Variants in TGM2 observed in about 807,000 individuals in gnomAD.
The protein encoded by TGM2 is transglutaminase 2.
In TGM2, 53 loss-of-function variants were observed where a neutral mutation model predicts 75.6. The ratio of observed to expected loss-of-function variants is 0.70; its 90% CI spans 0.56 to 0.88. The LOEUF is 0.88. Among genes scored for constraint, TGM2 ranks in the 40% least tolerant of loss-of-function variants. The pLI is 0.00. For missense variants in TGM2, 842 were observed against 928.5 expected, an observed-to-expected ratio of 0.91 and a Z score of 1.21; for synonymous variants, 374 against 381.1, an observed-to-expected ratio of 0.98 and a Z score of 0.22.
In TGM2 at chr20:38,143,251, G is replaced by C. The variant is rs1479342607; in HGVS notation, c.860-1052C>G. ...CAGAACAGGCAGAGGAGGGCACAGA[G>C]GTCGGGAGACCCAGCTGCTTTCAGC... On this transcript the variant is annotated intron_variant, in intron 6 of 12. Coordinates refer to ENST00000361475, the MANE Select transcript of TGM2 (RefSeq NM_004613.4). Among the ~76,000 whole-genome samples, 3 of 152,314 alleles carry C rather than the reference G, an allele frequency of 2.0e-5. No individual in the cohort carries two copies. In the East Asian group the frequency reaches 5.8e-4, roughly 29 times the overall value.
upstream of TGM2, among the ~76,000 whole-genome samples, chr20:38,165,526 G>C (rs561081621): frequency 2.2e-4 from 34 of 152,068 alleles, no homozygotes; most frequent in Admixed American, 1.8e-3. Context: ...CTCAGACCTT[G>C]GAGAACAGAC....
Position 38,147,551 on chromosome 20 carries a change from TC to T in TGM2, c.681+409del, listed in dbSNP as rs1279051799. ...AGTCCAACGCTCTCACACCTCGGGT[TC>T]CTTCAGAGCGTGCACCATCATTTAT... is the stretch of plus-strand genomic sequence containing the variant. On this transcript the variant is annotated intron_variant, in intron 5 of 12. Coordinates refer to ENST00000361475, the MANE Select transcript of TGM2 (RefSeq NM_004613.4). Among the ~76,000 whole-genome samples, 4 of 152,088 alleles carry T rather than the reference TC, an allele frequency of 2.6e-5. No homozygotes were observed. In the East Asian group the frequency reaches 7.7e-4, roughly 29 times the overall value.
upstream of TGM2, chr20:38,165,308 T>G: frequency 1.9e-6 from 3 of 1,538,930 alleles, no homozygotes; most frequent in Non-Finnish European, 1.8e-6. Flanking sequence ...TAGCCCGCTT[T>G]GGGGCGGGCC....
In TGM2 at chr20:38,151,050, A is replaced by G. The variant is rs150376333; in HGVS notation, c.441T>C (p.Ala147=). Residue 147 remains alanine (A), a synonymous_variant, in exon 4 of 13, where the codon GCT becomes GCC. Coordinates refer to ENST00000361475, the MANE Select transcript of TGM2 (RefSeq NM_004613.4). ...LLFNAWCPAD[A]VYLDSEEERQ... ...GCTCCTCTTCCGAGTCCAGGTACAC[A>G]GCATCCGCTGCAGGCAGGAAGAAAG... 7.4e-6 allele frequency: 12 copies of G among 1,613,646 alleles called. No individual in the cohort carries two copies. The highest frequency in any genetic ancestry group is 1.0e-5 in the Non-Finnish European group (12 of 1,179,526).
chr20:38,156,112 C>A, intron 2 of TGM2, 23 bp from the exon 3 acceptor site: 3 of 1,608,392 alleles, frequency 1.9e-6, no homozygotes, highest in Admixed American at 1.7e-5. Context: ...AAGCAGTAGC[C>A]GTGAGCTAGG....
At chr20:38,135,862 T>TA (rs1329165231) in intron 10 of TGM2, among the ~76,000 whole-genome samples, 5 of 152,064 alleles carry the variant, frequency 3.3e-5, no homozygotes, top group African/African-American at 1.2e-4. Flanking sequence ...CCTTTCCAGA[T>TA]ACCTCCTGAG....
chr20:38,161,345 G>A, intron 2 of TGM2, 75 bp downstream of exon 2: 2 of 1,566,032 alleles, frequency 1.3e-6, no homozygotes, highest in East Asian at 2.3e-5. Context: ...CTCTGTCAGG[G>A]TTCTGGGGCA....
intron 8 of TGM2, 40 bp downstream of exon 8, chr20:38,141,242 C>A: frequency 1.3e-6 from 2 of 1,505,576 alleles, no homozygotes; most frequent in Non-Finnish European, 1.8e-6. Context: ...CAAGCCTCGT[C>A]TTCCCCATCT....
intron 10 of TGM2, 134 bp from the exon 11 acceptor site, chr20:38,132,634 C>G (rs750709097): frequency 4.3e-5 from 52 of 1,216,680 alleles, no homozygotes; most frequent in Non-Finnish European, 6.1e-5. Context: ...GGGCGGATCC[C>G]TGAACTCCCC....
At chr20:38,163,025 T>G (rs2075271737) in intron 1 of TGM2, among the ~76,000 whole-genome samples, 1 of 152,200 alleles carries the variant, frequency 6.6e-6, no homozygotes, top group Admixed American at 6.5e-5. Context: ...CTCAAGGGGC[T>G]GCTGTGAGTC....
rs769469786 is a variant in TGM2, at chr20:38,139,645, C to T, written c.1109G>A (p.Cys370Tyr). The stretch of plus-strand genomic sequence containing the variant: ...GGCACGAACTGGAACTGGGCCACAG[C>T]AGTACGTCCCTGGCAGAGGTAGAAA... Reference protein sequence around the residue: ...TPQEKSEGTYCCGPVPVRAIK... With the variant: ...TPQEKSEGTYYCGPVPVRAIK... Residue 370 changes from cysteine to tyrosine, a missense_variant, in exon 9 of 13, where the codon TGC (cysteine) becomes TAC (tyrosine). By Grantham distance (194) the Cys-to-Tyr change is radical. Transcript: ENST00000361475. 1.8e-5 allele frequency: 29 copies of T among 1,614,000 alleles called. No individual in the cohort carries two copies. The East Asian group carries it at 6.0e-4, about 33-fold the overall frequency.
chr20:38,146,952 C>G, intron 5 of TGM2, 58 bp from the exon 6 acceptor site: 1 of 1,558,770 alleles, frequency 6.4e-7, no homozygotes, highest in Non-Finnish European at 8.7e-7. Flanking sequence ...GGCTGTGCCG[C>G]CTGGGTGAGC....
intron 2 of TGM2, among the ~76,000 whole-genome samples, chr20:38,160,445 T>A (rs958254536): frequency 6.6e-6 from 1 of 152,132 alleles, no homozygotes. Flanking sequence ...AGTACAAAGA[T>A]AAGTAACAGC....
intron 3 of TGM2, among the ~76,000 whole-genome samples, chr20:38,154,978 T>C (rs1232692147): frequency 1.3e-5 from 2 of 152,200 alleles, no homozygotes; most frequent in Admixed American, 1.3e-4. Flanking sequence ...TGGTGGCACA[T>C]GCCTGTAATC....
In TGM2 at chr20:38,139,513, T is replaced by G. The variant is rs779976570; in HGVS notation, c.1241A>C (p.Lys414Thr). ...WIQQDDGSVHKSINRSLIVGL... is the reference protein window; with the variant it reads ...WIQQDDGSVHTSINRSLIVGL... ...AACGATCAGGGAACGGTTGATGGATTTGTGCACAGACCCATCGTCCTGCTG... is the reference window on the plus strand; with the variant it reads ...AACGATCAGGGAACGGTTGATGGATGTGTGCACAGACCCATCGTCCTGCTG... The change falls in exon 9 of 13, where the codon AAA (lysine) becomes ACA (threonine). Residue 414 changes from lysine (K) to threonine (T), a missense_variant. Transcript: ENST00000361475. 7 of 1,614,130 alleles carry G rather than the reference T, an allele frequency of 4.3e-6. No individual in the cohort carries two copies. Among genetic ancestry groups the G allele is most frequent in the Non-Finnish European group, 5.9e-6 (7 of 1,180,030 alleles).
In TGM2 at chr20:38,161,554, C is replaced by CG. The variant is rs1231854933; in HGVS notation, c.55dup (p.Arg19ProfsTer28). 1.9e-6 allele frequency: 3 copies of CG among 1,614,082 alleles called. No homozygotes were observed. The highest frequency in any genetic ancestry group is 2.7e-5 in the African/African-American group (2 of 74,934). On this transcript the variant is annotated frameshift_variant, in exon 2 of 13. Transcript: ENST00000361475. LOFTEE classifies it high-confidence loss of function. Reference sequence around the variant, plus strand: ...GCACAGGTCGGCCGTGTGGTGGTCTCGGCCATTGGTCTCCAGCTCCAGATC... The same window carrying CG: ...GCACAGGTCGGCCGTGTGGTGGTCTCGGGCCATTGGTCTCCAGCTCCAGATC...
At chr20:38,150,405 G>A (rs892049030) in intron 4 of TGM2, among the ~76,000 whole-genome samples, 1 of 152,232 alleles carries the variant, frequency 6.6e-6, no homozygotes, top group African/African-American at 2.4e-5. Context: ...TGCAGCAGCA[G>A]CTAGCAGATA....
intron 3 of TGM2, among the ~76,000 whole-genome samples, chr20:38,152,019 CTT>C (rs1411918374): frequency 6.6e-6 from 1 of 152,136 alleles, no homozygotes; most frequent in Non-Finnish European, 1.5e-5. Context: ...CCCAGGCACT[CTT>C]GACTTCATGC....
At chr20:38,163,437 C>T (rs1401031076) in intron 1 of TGM2, among the ~76,000 whole-genome samples, 1 of 152,166 alleles carries the variant, frequency 6.6e-6, no homozygotes, top group Non-Finnish European at 1.5e-5. Context: ...ACTTAAATCC[C>T]AAAACAACTC....
Sources: gnomAD v4.1 joint callset for allele counts (sites outside exome capture counted in the v4.1 genomes callset) on GRCh38, gnomAD v4.1.1 for gene constraint, MANE v1.5 for transcripts, NCBI Gene and HGNC (gene_info 2026-07-23, HGNC 2026-07-21) for gene names.